The following PIK3C2B variants were observed in gnomAD, a reference collection of about 807,000 sequenced individuals.
PIK3C2B encodes the protein phosphatidylinositol-4-phosphate 3-kinase catalytic subunit type 2 beta.
Under a neutral mutation model 184.3 loss-of-function variants are expected in PIK3C2B, and 83 were observed. That is an observed-to-expected ratio of 0.45 (90% confidence interval 0.38 to 0.54). The LOEUF is 0.54. Among genes scored for constraint, PIK3C2B ranks in the 20% least tolerant of loss-of-function variants. The pLI is 0.00. For synonymous variants in PIK3C2B, 779 were observed against 837.6 expected, an observed-to-expected ratio of 0.93 and a Z score of 1.21; for missense variants, 1,736 against 2,113.5, an observed-to-expected ratio of 0.82 and a Z score of 3.50.
chr1:204,432,118 C>T, intron 27 of PIK3C2B, 82 bp downstream of exon 27: 1 of 1,255,150 alleles, frequency 8.0e-7, no homozygotes, highest in Admixed American at 1.7e-5. Context: ...GCCCACTGTG[C>T]AAGTGTGGAA....
intron 12 of PIK3C2B, 168 bp downstream of exon 12, chr1:204,454,501 G>A (rs906842891): frequency 1.6e-4 from 69 of 419,420 alleles, no homozygotes; most frequent in South Asian, 5.3e-4. Flanking sequence ...AAAAAAAAAA[G>A]AGTCAGGGAA....
rs773195074 is a variant in PIK3C2B at position 204,455,994 on chromosome 1, T to C, written c.1805A>G (p.Asn602Ser). The C allele has an allele frequency of 5.0e-6, 8 of 1,614,028 alleles. No homozygotes were observed. Among genetic ancestry groups the C allele is most frequent in the Admixed American group, 3.3e-5 (2 of 60,012 alleles). The part of the protein sequence containing the change: ...AILDLVELYC[N>S]TFNADFQTAV... ...CGTCTGGAAGTCTGCGTTGAATGTG[T>C]TGCAGTACAGCTCCACCAGGTCCAA... The change falls in exon 11 of 33, where the codon AAC (asparagine) becomes AGC (serine). Residue 602 changes from asparagine to serine, a missense_variant. By Grantham distance (46) the Asn-to-Ser change is conservative (BLOSUM62 1). Around this residue, in one of 8 missense-constraint regions of PIK3C2B, gnomAD observed 609 missense variants for 699.2 expected, o/e 0.87. Coordinates refer to ENST00000684373, the MANE Select transcript of PIK3C2B (RefSeq NM_001377334.1).
At chr1:204,445,234 C>T (rs563825391) in intron 16 of PIK3C2B, among the ~76,000 whole-genome samples, 5 of 149,212 alleles carry the variant, frequency 3.4e-5, no homozygotes, top group South Asian at 2.1e-4. Context: ...GAACAAACAT[C>T]GAGCTCTAGT....
intron 29 of PIK3C2B, 63 bp from the exon 30 acceptor site, chr1:204,428,283 G>A: frequency 1.0e-6 from 1 of 999,962 alleles, no homozygotes; most frequent in Non-Finnish European, 1.6e-6. Flanking sequence ...CAAAAAGGAA[G>A]GGGACTGTTC....
In PIK3C2B at chr1:204,432,258, C is replaced by T. The variant is rs752016118; in HGVS notation, c.4097G>A (p.Arg1366Gln). ...SRTHTLKSSGRISDVFLCRHE... is the reference protein window; with the variant it reads ...SRTHTLKSSGQISDVFLCRHE... ...GCGGCAGAGGAAAACATCACTGATT[C>T]GGCCAGAGCTCTTGAGAGTGTGTGT... Residue 1366 changes from arginine to glutamine, a missense_variant, in exon 27 of 33, where the codon CGA (arginine) becomes CAA (glutamine). Around this residue, in one of 8 missense-constraint regions of PIK3C2B, gnomAD observed 200 missense variants for 199.1 expected, o/e 1.00. Transcript: ENST00000684373. 28 of 1,613,842 alleles carry T rather than the reference C, an allele frequency of 1.7e-5. No individual in the cohort carries two copies. Among genetic ancestry groups the T allele is most frequent in the South Asian group, 2.2e-5 (2 of 91,066 alleles).
intron 1 of PIK3C2B, among the ~76,000 whole-genome samples, chr1:204,479,515 C>T (rs138858848): frequency 6.6e-6 from 1 of 152,086 alleles, no homozygotes; most frequent in Admixed American, 6.5e-5. Context: ...TTCCAAAAAG[C>T]AACACCTAGG....
intron 2 of PIK3C2B, among the ~76,000 whole-genome samples, chr1:204,466,186 T>G (rs1655770120): frequency 1.3e-5 from 2 of 152,106 alleles, no homozygotes; most frequent in South Asian, 4.1e-4. Flanking sequence ...ATGACAGGTT[T>G]CTGCCTGAGG....
chr1:204,457,604 G>T, intron 9 of PIK3C2B, 124 bp downstream of exon 9: 1 of 866,386 alleles, frequency 1.2e-6, no homozygotes, highest in Non-Finnish European at 1.7e-6. Flanking sequence ...AAACATAAAA[G>T]ATGGAGGTGG....
chr1:204,446,739 AG>A lies in PIK3C2B; in HGVS notation c.2490-596del. On this transcript the variant is annotated intron_variant, in intron 15 of 32. Coordinates refer to ENST00000684373, the MANE Select transcript of PIK3C2B (RefSeq NM_001377334.1). ...GAAGTGTAGTCGGCAGAGTGGGGGA[AG>A]GGAGGTCTGCGGTCGCTCAGCTACT... Among the ~76,000 whole-genome samples, 2 of 152,260 alleles carry A rather than the reference AG, an allele frequency of 1.3e-5. 1 individual carries two copies. The highest frequency in any genetic ancestry group is 4.1e-4 in the South Asian group (2 of 4,824).
chr1:204,486,533 C>G (rs1404554117), intron 1 of PIK3C2B, among the ~76,000 whole-genome samples: 2 of 151,496 alleles, frequency 1.3e-5, no homozygotes, highest in African/African-American at 2.4e-5. Flanking sequence ...GAGTTCAAGA[C>G]TGGCCTGGCC....
Position 204,424,215 on chromosome 1 carries a change from A to C in PIK3C2B, c.*637T>G, listed in dbSNP as rs141869557. The C allele has an allele frequency of 6.1e-4, 106 of 172,914 alleles. No homozygotes were observed. Among genetic ancestry groups the C allele is most frequent in the Non-Finnish European group, 7.3e-4 (58 of 79,718 alleles). 10.7% of individuals were successfully genotyped at this position (172,914 alleles called of 1,614,324 possible). A position where few individuals can be genotyped will look rare whatever the true frequency, so the allele number is the denominator to read the frequency against. ...GGCCCAGTGGCACAAGCCTCAGTCC[A>C]GCACAGGCAGCCCTCCCCAACCCTC... On this transcript the variant is annotated 3_prime_UTR_variant, in exon 33 of 33. Coordinates refer to ENST00000684373, the MANE Select transcript of PIK3C2B (RefSeq NM_001377334.1).
In PIK3C2B at chr1:204,424,968, C is replaced by T. The variant is rs1393582791; in HGVS notation, c.4789G>A (p.Gly1597Arg). The change falls in exon 33 of 33, where the codon GGA becomes AGA. Residue 1597 changes from glycine (G) to arginine (R), a missense_variant. By Grantham distance (125) the Gly-to-Arg change is moderately radical. This residue lies in a region of PIK3C2B where 95 missense variants were observed against 164.2 expected (regional missense o/e 0.58). Transcript: ENST00000684373. ...ELQLSVLSEQGFWENVLLGEV... is the reference protein window; with the variant it reads ...ELQLSVLSEQRFWENVLLGEV... The stretch of plus-strand genomic sequence containing the variant: ...CCGAGGAGGACGTTCTCCCAGAATC[C>T]CTGCTCACTCAGCACGCTCAGCTGG... The T allele has an allele frequency of 1.2e-6, 2 of 1,614,038 alleles. No individual in the cohort carries two copies. The highest frequency in any genetic ancestry group is 2.7e-5 in the African/African-American group (2 of 74,938).
intron 1 of PIK3C2B, among the ~76,000 whole-genome samples, chr1:204,478,308 C>T (rs981701093): frequency 1.3e-5 from 2 of 152,200 alleles, no homozygotes; most frequent in African/African-American, 4.8e-5. Flanking sequence ...TCGCATCTCA[C>T]TCCACACACA....
chr1:204,461,324 C>T lies in PIK3C2B; in HGVS notation c.1311-663G>A, dbSNP rs541542037. ...CAAGCACCCATGTGTGAGACTCCCC[C>T]TTTCAGAGAGAAGGCCTAGGAGCCC... On this transcript the variant is annotated intron_variant, in intron 5 of 32. Coordinates refer to ENST00000684373, the MANE Select transcript of PIK3C2B (RefSeq NM_001377334.1). 7.2e-5 allele frequency among the ~76,000 whole-genome samples: 11 copies of T among 152,344 alleles called. 1 individual carries two copies. The highest frequency in any genetic ancestry group is 7.2e-4 in the Admixed American group (11 of 15,304).
In PIK3C2B at chr1:204,440,289, C is replaced by T. The variant is rs371031829; in HGVS notation, c.3282G>A (p.Thr1094=). The change falls in exon 22 of 33, where the codon ACG becomes ACA. Residue 1094 remains threonine (T), a synonymous_variant. Coordinates refer to ENST00000684373, the MANE Select transcript of PIK3C2B (RefSeq NM_001377334.1). ...CGDDLRQDML[T]LQMIRIMSKI... ...TGCTCATGATGCGAATCATCTGCAG[C>T]GTTAGCATGTCCTGGCGAAGGTCGT... is the stretch of plus-strand genomic sequence containing the variant. The T allele has an allele frequency of 1.4e-5, 22 of 1,606,392 alleles. No homozygotes were observed. Among genetic ancestry groups the T allele is most frequent in the Middle Eastern group, 1.7e-4 (1 of 6,030 alleles).
rs754138397 is a variant in PIK3C2B, at chr1:204,425,644, C to T, written c.4685G>A (p.Arg1562Gln). The part of the protein sequence containing the change: ...KTTKRKTKVA[R>Q]KTCNPTYNEM... ...ATTGTAGGTAGGATTGCAGGTTTTC[C>T]GGGCCACTTTGGTTTTCCTCTTAGT... Residue 1562 changes from arginine to glutamine, a missense_variant, in exon 32 of 33, where the codon CGG becomes CAG. Physicochemically the swap from Arg to Gln is conservative, Grantham distance 43 (BLOSUM62 1). Transcript: ENST00000684373. The T allele has an allele frequency of 1.5e-5, 24 of 1,613,974 alleles. No homozygotes were observed. The highest frequency in any genetic ancestry group is 4.4e-5 in the South Asian group (4 of 91,084).
At chr1:204,436,367 G>T (rs1217871537) in intron 23 of PIK3C2B, among the ~76,000 whole-genome samples, 1 of 151,852 alleles carries the variant, frequency 6.6e-6, no homozygotes, top group African/African-American at 2.4e-5. Context: ...CCATCTCCAC[G>T]AAAAATAGAA....
Position 204,422,650 on chromosome 1 carries a change from A to T in PIK3C2B, c.*2202T>A, listed in dbSNP as rs945443021. Reference sequence around the variant, plus strand: ...TAGTTTCATTTTTTTCTCAAATGTCATTTATTAGAAAATACAATTCCCGAG... The same window carrying T: ...TAGTTTCATTTTTTTCTCAAATGTCTTTTATTAGAAAATACAATTCCCGAG... On this transcript the variant is annotated 3_prime_UTR_variant, in exon 33 of 33. Transcript: ENST00000684373. 1 of 152,604 alleles carries T rather than the reference A, an allele frequency of 6.6e-6. No homozygotes were observed. Among genetic ancestry groups the T allele is most frequent in the African/African-American group, 2.4e-5 (1 of 41,440 alleles). 9.5% of individuals were successfully genotyped at this position (152,604 alleles called of 1,614,324 possible). A position where few individuals can be genotyped will look rare whatever the true frequency, so the allele number is the denominator to read the frequency against.
Position 204,469,747 on chromosome 1 carries a change from A to T in PIK3C2B, c.56T>A (p.Ile19Asn), listed in dbSNP as rs1572377648. Residue 19 changes from isoleucine to asparagine, a missense_variant, in exon 2 of 33, where the codon ATC becomes AAC. Physicochemically the swap from Ile to Asn is moderately radical, Grantham distance 149 (BLOSUM62 -3). Transcript: ENST00000684373. ...GGCCATCGCTAGCTCTTTGCGGCTG[A>T]TGCCCACTGACTCCAGGGACTTCCA... is the stretch of plus-strand genomic sequence containing the variant. ...EHWKSLESVG[I>N]SRKELAMAEA... 6.2e-7 allele frequency: 1 copy of T among 1,614,000 alleles called. No homozygotes were observed. The highest frequency in any genetic ancestry group is 8.5e-7 in the Non-Finnish European group (1 of 1,179,960).
Sources: gnomAD v4.1 joint callset for allele counts (sites outside exome capture counted in the v4.1 genomes callset) on GRCh38, gnomAD v4.1.1 for gene constraint, gnomAD v4.1.1 regional missense constraint, MANE v1.5 for transcripts, NCBI Gene and HGNC (gene_info 2026-07-23, HGNC 2026-07-21) for gene names.